PCDHGA1: variants seen among roughly 807,000 people sequenced by gnomAD.
PCDHGA1 encodes protocadherin gamma subfamily A, 1, also known as protocadherin gamma-A1.
Under a neutral mutation model 58.0 loss-of-function variants are expected in PCDHGA1, and 32 were observed. The observed-to-expected ratio is 0.55, with a 90% CI of 0.42 to 0.74. The LOEUF (loss-of-function observed/expected upper bound fraction) is 0.74, where lower values mean the gene tolerates loss of function less well. Ranked by LOEUF, PCDHGA1 falls within the 30% of genes least tolerant of loss-of-function variation. The pLI is 0.00. For synonymous variants in PCDHGA1, 498 were observed against 501.1 expected (o/e 0.99, Z 0.08); for missense variants, 1,205 against 1,182.3 (o/e 1.02, Z -0.28).
intron 2 of PCDHGA1, among the ~76,000 whole-genome samples, chr5:141,503,275 C>T (rs1466636672): frequency 1.3e-5 from 2 of 152,108 alleles, no homozygotes; most frequent in Non-Finnish European, 2.9e-5. Context: ...GCACCTGGCT[C>T]TGTGTCTGGT....
At chr5:141,510,579 C>T (rs2099881748) in intron 3 of PCDHGA1, among the ~76,000 whole-genome samples, 1 of 152,170 alleles carries the variant, frequency 6.6e-6, no homozygotes, top group Non-Finnish European at 1.5e-5. Flanking sequence ...CACTATTTTA[C>T]GTACCTGACA....
chr5:141,388,394 C>G lies in PCDHGA1; in HGVS notation c.2421+55289C>G, dbSNP rs371227077. 5 of 1,613,846 alleles carry G rather than the reference C, an allele frequency of 3.1e-6. No individual in the cohort carries two copies. In the African/African-American group the frequency reaches 4.0e-5, roughly 13 times the overall value. ...TTGGTAGCAACACACTGCAGAATTA[C>G]CAACTCAGTCCCAGTGATCATTTCT... On this transcript the variant is annotated intron_variant, in intron 1 of 3. Coordinates refer to ENST00000517417, the MANE Select transcript of PCDHGA1 (RefSeq NM_018912.3).
intron 1 of PCDHGA1, chr5:141,404,856 G>C (rs1405688914): frequency 6.2e-7 from 1 of 1,613,890 alleles, no homozygotes; most frequent in Admixed American, 1.7e-5. Flanking sequence ...CTGCTAGATA[G>C]AGATGCGCTC....
chr5:141,470,708 A>T (rs1293545270), intron 1 of PCDHGA1, among the ~76,000 whole-genome samples: 1 of 151,804 alleles, frequency 6.6e-6, no homozygotes. Flanking sequence ...TTTTTATTTT[A>T]TTTTTTTGAG....
chr5:141,477,212 C>CCTCT lies in PCDHGA1; in HGVS notation c.2422-17594_2422-17591dup. 6.2e-7 allele frequency: 1 copy of CCTCT among 1,614,166 alleles called. No homozygotes were observed. The highest frequency in any genetic ancestry group is 8.5e-7 in the Non-Finnish European group (1 of 1,180,042). The stretch of plus-strand genomic sequence containing the variant: ...GTACAGCCCAGTACCCGAGGATGCC[C>CCTCT]CTCTGGGGACTGTCATCGCTTTGCT... On this transcript the variant is annotated intron_variant, in intron 1 of 3. Coordinates refer to ENST00000517417, the MANE Select transcript of PCDHGA1 (RefSeq NM_018912.3). This position sits in a 1 kb window ranked among gnomAD's most constrained non-coding sequence, Gnocchi z 4.9.
intron 1 of PCDHGA1, chr5:141,408,678 A>G (rs758302984): frequency 2.5e-6 from 4 of 1,613,862 alleles, no homozygotes; most frequent in African/African-American, 1.3e-5. Context: ...CCTGCCACGG[A>G]TCCTGATATA....
chr5:141,460,346 ATTTTC>A (rs1049715417), intron 1 of PCDHGA1, among the ~76,000 whole-genome samples: 6 of 151,964 alleles, frequency 3.9e-5, no homozygotes, highest in Non-Finnish European at 8.8e-5. Flanking sequence ...TTTCTCCTAT[ATTTTC>A]TTTTAGAAGT....
intron 1 of PCDHGA1, chr5:141,364,929 T>C (rs751043135): frequency 1.9e-6 from 3 of 1,613,810 alleles, no homozygotes; most frequent in African/African-American, 2.7e-5. Context: ...GAACAGCCCC[T>C]AGACCGCGAG....
intron 1 of PCDHGA1, chr5:141,350,113 T>G (rs1758410599): frequency 1.1e-5 from 6 of 556,050 alleles, no homozygotes; most frequent in Non-Finnish European, 1.7e-5. Context: ...TCCTGCTTTG[T>G]CCGGTGCACT....
chr5:141,362,255 T>A (rs1257652154), intron 1 of PCDHGA1: 2 of 1,614,020 alleles, frequency 1.2e-6, no homozygotes, highest in Admixed American at 3.3e-5. Flanking sequence ...TTCCTCGCGG[T>A]GATTCTGGCA....
rs1201654822 is a variant in PCDHGA1, at chr5:141,476,876, C to T, written c.2422-17931C>T. ...CCAGTCCTTGTACCGGGCGCGCGTC[C>T]TGGAGGATGCACCCTCCGGCACGCG... On this transcript the variant is annotated intron_variant, in intron 1 of 3. Transcript: ENST00000517417. The surrounding 1 kb of genome is among the most constrained non-coding windows in gnomAD (Gnocchi z 7.6). 6.2e-7 allele frequency: 1 copy of T among 1,613,876 alleles called. No homozygotes were observed. The highest frequency in any genetic ancestry group is 1.7e-5 in the Admixed American group (1 of 60,018).
At chr5:141,398,811 C>G in intron 1 of PCDHGA1, 1 of 1,613,980 alleles carries the variant, frequency 6.2e-7, no homozygotes. Context: ...CCACTGAGCT[C>G]CGGATCCAGG....
chr5:141,419,759 G>A (rs1179602962), intron 1 of PCDHGA1: 2 of 1,614,004 alleles, frequency 1.2e-6, no homozygotes, highest in Admixed American at 3.3e-5. Context: ...TGCTTTGGGT[G>A]ACAAGGACTC....
Position 141,485,954 on chromosome 5 carries a change from C to T in PCDHGA1, c.2422-8853C>T, listed in dbSNP as rs2154580519. The T allele has an allele frequency of 6.2e-7, 1 of 1,614,190 alleles. No individual in the cohort carries two copies. The highest frequency in any genetic ancestry group is 8.5e-7 in the Non-Finnish European group (1 of 1,180,038). ...GGAGAGCGCACCAGCGGGCATGGTG[C>T]TCATCCAGCTCAATGCCTCAGACCC... On this transcript the variant is annotated intron_variant, in intron 1 of 3. Coordinates refer to ENST00000517417, the MANE Select transcript of PCDHGA1 (RefSeq NM_018912.3). The surrounding 1 kb of genome is among the most constrained non-coding windows in gnomAD (Gnocchi z 5.7).
intron 1 of PCDHGA1, chr5:141,339,488 A>T (rs1756843083): frequency 6.2e-7 from 1 of 1,614,100 alleles, no homozygotes; most frequent in South Asian, 1.1e-5. Flanking sequence ...GTACGCACTC[A>T]ACCCAAATGA....
chr5:141,401,725 T>C lies in PCDHGA1; in HGVS notation c.2421+68620T>C, dbSNP rs2094187242. Among the ~76,000 whole-genome samples the C allele has an allele frequency of 2.0e-5, 3 of 152,322 alleles. No individual in the cohort carries two copies. In the South Asian group the frequency reaches 6.2e-4, roughly 32 times the overall value. ...ATTCCATTTTTAAGACAAAAACTAC[T>C]AGTCTTGTGTACATACAAAGCTCCC... On this transcript the variant is annotated intron_variant, in intron 1 of 3. Coordinates refer to ENST00000517417, the MANE Select transcript of PCDHGA1 (RefSeq NM_018912.3).
Position 141,485,575 on chromosome 5 carries a change from G to C in PCDHGA1, c.2422-9232G>C, listed in dbSNP as rs1200831125. On this transcript the variant is annotated intron_variant, in intron 1 of 3. Coordinates refer to ENST00000517417, the MANE Select transcript of PCDHGA1 (RefSeq NM_018912.3). This position sits in a 1 kb window ranked among gnomAD's most constrained non-coding sequence, Gnocchi z 5.7. ...TGAATGATCACGCCCCCCGTTTTCC[G>C]CGGCAGCAGCTGGACTTGGAAATTG... 2 of 1,612,496 alleles carry C rather than the reference G, an allele frequency of 1.2e-6. No homozygotes were observed. The highest frequency in any genetic ancestry group is 2.7e-5 in the African/African-American group (2 of 74,918).
Position 141,393,093 on chromosome 5 carries a change from G to A in PCDHGA1, c.2421+59988G>A, listed in dbSNP as rs781611512. On this transcript the variant is annotated intron_variant, in intron 1 of 3. Coordinates refer to ENST00000517417, the MANE Select transcript of PCDHGA1 (RefSeq NM_018912.3). The stretch of plus-strand genomic sequence containing the variant: ...CACCGCGGGCAGGATAGATCGGGAG[G>A]AGCTCTGCGCTCAGAGCCCGCGGTG... 138 of 1,613,502 alleles carry A rather than the reference G, an allele frequency of 8.6e-5. No individual in the cohort carries two copies. The highest frequency in any genetic ancestry group is 1.2e-4 in the Non-Finnish European group (136 of 1,179,914).
chr5:141,408,339 T>C lies in PCDHGA1; in HGVS notation c.2421+75234T>C, dbSNP rs768142301. 1.7e-5 allele frequency: 27 copies of C among 1,613,672 alleles called. No homozygotes were observed. In the Middle Eastern group the frequency reaches 9.9e-4, roughly 59 times the overall value. ...CCGGAGGAGCTGGCCAAGGGCTCGGTGGTGGGGAACCTCGCTAAGGATCTA... is the reference window on the plus strand; with the variant it reads ...CCGGAGGAGCTGGCCAAGGGCTCGGCGGTGGGGAACCTCGCTAAGGATCTA... On this transcript the variant is annotated intron_variant, in intron 1 of 3. Coordinates refer to ENST00000517417, the MANE Select transcript of PCDHGA1 (RefSeq NM_018912.3).
Sources: gnomAD v4.1 joint callset for allele counts (sites outside exome capture counted in the v4.1 genomes callset) on GRCh38, gnomAD v4.1.1 for gene constraint, Gnocchi (gnomAD v3.1) non-coding constraint, MANE v1.5 for transcripts, NCBI Gene and HGNC (gene_info 2026-07-23, HGNC 2026-07-21) for gene names.